The following PTPRD variants were observed in gnomAD, a reference collection of about 807,000 sequenced individuals.
PTPRD encodes the protein protein tyrosine phosphatase receptor type D.
In PTPRD, 34 loss-of-function variants were observed where a neutral mutation model predicts 214.5. The ratio of observed to expected loss-of-function variants is 0.16; its 90% confidence interval spans 0.12 to 0.21. PTPRD has a LOEUF of 0.21. PTPRD is among the 10% of genes least tolerant of loss of function. The pLI is 1.00. For missense variants in PTPRD, 2,545 were observed against 2,398.7 expected (o/e 1.06, Z -1.27); for synonymous variants, 1,128 against 845.7 (o/e 1.33, Z -5.79).
At chr9:10,003,158 C>A (rs35211707) in intron 4 of PTPRD, among the ~76,000 whole-genome samples, 22,184 of 151,468 alleles carry the variant, frequency 0.15, 1,924 homozygotes, top group African/African-American at 0.23. Context: ...GAGTTCCAGG[C>A]AGAAGGAAGA....
intron 8 of PTPRD, among the ~76,000 whole-genome samples, chr9:9,463,192 G>A (rs1302396007): frequency 6.6e-6 from 1 of 152,264 alleles, no homozygotes; most frequent in East Asian, 1.9e-4. Context: ...TTGGATGAAG[G>A]ATTACAGCAA....
At chr9:10,245,860 T>C (rs1280585247) in intron 3 of PTPRD, among the ~76,000 whole-genome samples, 3 of 152,090 alleles carry the variant, frequency 2.0e-5, no homozygotes, top group Non-Finnish European at 4.4e-5. Flanking sequence ...AAGTAAGGGA[T>C]TTTCTTAAAG....
intron 8 of PTPRD, among the ~76,000 whole-genome samples, chr9:9,406,263 G>A (rs2141642832): frequency 6.6e-6 from 1 of 151,926 alleles, no homozygotes; most frequent in East Asian, 1.9e-4. Flanking sequence ...TTCGGCTTAG[G>A]GACTTTCAAA....
At chr9:8,826,874 T>C (rs1170970461) in intron 11 of PTPRD, among the ~76,000 whole-genome samples, 1 of 152,100 alleles carries the variant, frequency 6.6e-6, no homozygotes, top group Non-Finnish European at 1.5e-5. Context: ...CCCCACACAC[T>C]GGTTCTCATC....
At chr9:9,268,357 T>C (rs534906289) in intron 9 of PTPRD, among the ~76,000 whole-genome samples, 17 of 150,378 alleles carry the variant, frequency 1.1e-4, no homozygotes, top group African/African-American at 2.4e-4. Flanking sequence ...ATGAAAGAAA[T>C]GGAAAAAACG....
chr9:8,785,606 T>G (rs1052279123), intron 11 of PTPRD, among the ~76,000 whole-genome samples: 2 of 152,202 alleles, frequency 1.3e-5, no homozygotes, highest in Non-Finnish European at 2.9e-5. Context: ...AACTCCTCAG[T>G]CAAAGCCATG....
chr9:8,776,524 C>G (rs1278808686), intron 11 of PTPRD, among the ~76,000 whole-genome samples: 1 of 84,966 alleles, frequency 1.2e-5, no homozygotes, highest in Non-Finnish European at 2.8e-5. Flanking sequence ...TCTCGAACTC[C>G]TGGGCTCAAG....
chr9:10,497,871 A>C (rs2042545550), intron 2 of PTPRD, among the ~76,000 whole-genome samples: 1 of 152,046 alleles, frequency 6.6e-6, no homozygotes, highest in Non-Finnish European at 1.5e-5. Flanking sequence ...AACAGTATTA[A>C]TAGTAAACAA....
intron 7 of PTPRD, among the ~76,000 whole-genome samples, chr9:9,619,627 C>A (rs927151433): frequency 1.1e-4 from 16 of 143,236 alleles, no homozygotes; most frequent in Admixed American, 1.1e-3. Context: ...ATATAATAAT[C>A]TATATGTTAA....
At chr9:8,483,149 T>C (rs1202733320) in intron 30 of PTPRD, among the ~76,000 whole-genome samples, 1 of 152,232 alleles carries the variant, frequency 6.6e-6, no homozygotes, top group African/African-American at 2.4e-5. Flanking sequence ...TATATGTCCT[T>C]GGACAAACTT....
intron 2 of PTPRD, among the ~76,000 whole-genome samples, chr9:10,459,456 G>A (rs191983505): frequency 6.6e-6 from 1 of 152,222 alleles, no homozygotes; most frequent in East Asian, 1.9e-4. Context: ...ACTGGTTCTA[G>A]ATCCTTGAGG....
chr9:8,559,648 A>G (rs561636531), intron 14 of PTPRD, among the ~76,000 whole-genome samples: 16 of 152,320 alleles, frequency 1.1e-4, no homozygotes, highest in African/African-American at 3.4e-4. Flanking sequence ...AACAGTCCCA[A>G]TGCCTAAGCT....
At chr9:8,368,545 T>C (rs1316705755) in intron 39 of PTPRD, among the ~76,000 whole-genome samples, 2 of 152,158 alleles carry the variant, frequency 1.3e-5, no homozygotes, top group Non-Finnish European at 2.9e-5. Context: ...CATTTATATC[T>C]ATTATGCTTC....
intron 7 of PTPRD, among the ~76,000 whole-genome samples, chr9:9,589,392 TTC>T (rs1592328281): frequency 6.6e-6 from 1 of 152,064 alleles, no homozygotes; most frequent in African/African-American, 2.4e-5. Flanking sequence ...TTGTGGCATG[TTC>T]TCTCTTTCTC....
At chr9:10,232,807 C>T (rs1480353095) in intron 3 of PTPRD, among the ~76,000 whole-genome samples, 1 of 151,968 alleles carries the variant, frequency 6.6e-6, no homozygotes, top group Admixed American at 6.6e-5. Flanking sequence ...GAAAAAGAAA[C>T]TCAACTCACA....
rs111354450 is a variant in PTPRD at position 8,891,981 on chromosome 9, A to G, written c.-104+126716T>C. On this transcript the variant is annotated intron_variant, in intron 11 of 45. Coordinates refer to ENST00000381196, the MANE Select transcript of PTPRD (RefSeq NM_002839.4). ...ATCTTCCCCTTCTTAACGTCCCCTT[A>G]TGAATGCTTGTTTTCTTCTTATTCG... 3.0e-3 allele frequency among the ~76,000 whole-genome samples: 449 copies of G among 152,192 alleles called. 5 individuals are homozygous for G. The highest frequency in any genetic ancestry group is 0.01 in the African/African-American group (425 of 41,514).
intron 10 of PTPRD, among the ~76,000 whole-genome samples, chr9:9,061,313 A>G (rs2099706920): frequency 6.6e-6 from 1 of 152,226 alleles, no homozygotes; most frequent in Admixed American, 6.5e-5. Context: ...TTCATAATAC[A>G]ATACATTTGT....
At chr9:10,597,591 A>G (rs189926123) in intron 2 of PTPRD, among the ~76,000 whole-genome samples, 2 of 151,770 alleles carry the variant, frequency 1.3e-5, no homozygotes, top group Non-Finnish European at 2.9e-5. Flanking sequence ...GCTCATTTAG[A>G]TTGGAAAATA....
At chr9:10,069,977 C>G (rs116477162) in intron 3 of PTPRD, among the ~76,000 whole-genome samples, 2 of 151,940 alleles carry the variant, frequency 1.3e-5, no homozygotes, top group Admixed American at 6.6e-5. Flanking sequence ...GCCATGAACA[C>G]ACTGATTATT....
Sources: allele counts gnomAD v4.1 joint callset (sites outside exome capture counted in the v4.1 genomes callset), GRCh38; gene constraint gnomAD v4.1.1; transcripts MANE v1.5; gene names NCBI Gene and HGNC (gene_info 2026-07-23, HGNC 2026-07-21).